OR10AG1: variants seen among roughly 807,000 people sequenced by gnomAD.
OR10AG1 encodes olfactory receptor family 10 subfamily AG member 1.
For missense variants in OR10AG1, 433 were observed against 376.5 expected (o/e 1.15, Z -1.24); for synonymous variants, 147 against 128.6 (o/e 1.14, Z -0.97).
At position 55,967,669 on chromosome 11, in the gene OR10AG1, A is replaced by C. The variant is rs1408996289; in HGVS notation, c.855T>G (p.Ile285Met). ...GAATCAGAATGGTGTAGAAAAGAGA[A>C]ATCAGTTTCCCCATCCTTTGAAACT... is the stretch of plus-strand genomic sequence containing the variant. ...PHQFQRMGKL[I>M]SLFYTILIPT... The change falls in exon 2 of 2, where the codon ATT becomes ATG. Residue 285 changes from isoleucine to methionine, a missense_variant. Ile to Met is a conservative substitution (Grantham distance 10). Transcript: ENST00000641071. 1.4e-5 allele frequency: 23 copies of C among 1,613,182 alleles called. No individual in the cohort carries two copies. Among genetic ancestry groups the C allele is most frequent in the Non-Finnish European group, 2.0e-5 (23 of 1,179,334 alleles).
At chr11:55,969,331 C>T (rs1590672892) in intron 1 of OR10AG1, among the ~76,000 whole-genome samples, 4 of 152,062 alleles carry the variant, frequency 2.6e-5, no homozygotes, top group Middle Eastern at 6.8e-3. Context: ...TGATTAAACC[C>T]AGCTAACATT....
In OR10AG1 at chr11:55,968,203, A is replaced by G; in HGVS notation, c.321T>C (p.Ala107=). The change falls in exon 2 of 2, where the codon GCT becomes GCC. Residue 107 remains alanine (A), a synonymous_variant. Transcript: ENST00000641071. ...GAAAAAAACACATTTGTGTAGCACA[A>G]GCAAACAAAGAAATATTTCCTTTCT... ...WTQKGNISLF[A]CATQMCFFLM... is the part of the protein sequence containing the mutation. 1.2e-6 allele frequency: 2 copies of G among 1,614,090 alleles called. No individual in the cohort carries two copies. Among genetic ancestry groups the G allele is most frequent in the Non-Finnish European group, 1.7e-6 (2 of 1,179,982 alleles).
Position 55,967,945 on chromosome 11 carries a change from C to A in OR10AG1, c.579G>T (p.Pro193=), listed in dbSNP as rs75943754. 1 of 1,613,902 alleles carries A rather than the reference C, an allele frequency of 6.2e-7. No individual in the cohort carries two copies. Among genetic ancestry groups the A allele is most frequent in the South Asian group, 1.1e-5 (1 of 91,076 alleles). ...TTCCACAAGCAAGCTTGAGTATTGG[C>A]GGGATGTCACAAAAGAAATGATTAA... ...NTINHFFCDI[P]PILKLACGNI... is the part of the protein sequence containing the mutation. The change falls in exon 2 of 2, where the codon CCG becomes CCT. Residue 193 remains proline, a synonymous_variant. Transcript: ENST00000641071.
In OR10AG1 at chr11:55,966,348, G is replaced by C. The variant is rs1335109589; in HGVS notation, c.*1210C>G. 6.6e-6 allele frequency: 1 copy of C among 150,946 alleles called. No homozygotes were observed. Among genetic ancestry groups the C allele is most frequent in the Non-Finnish European group, 1.5e-5 (1 of 67,876 alleles). 9.4% of individuals were successfully genotyped at this position (150,946 alleles called of 1,614,324 possible). On this transcript the variant is annotated 3_prime_UTR_variant, in exon 2 of 2. Coordinates refer to ENST00000641071, the MANE Select transcript of OR10AG1 (RefSeq NM_001005491.2). ...CCAAAATGCATGCAACAATTGAAGGGTAGGGTGGAATGGCATATCAGCTGA... is the reference window on the plus strand; with the variant it reads ...CCAAAATGCATGCAACAATTGAAGGCTAGGGTGGAATGGCATATCAGCTGA...
chr11:55,967,842 A>G lies in OR10AG1; in HGVS notation c.682T>C (p.Ser228Pro), dbSNP rs1852704261. ...ATGTTGGAGATAATTTTGCCATAAG[A>G]GACAACAATCAACAGAAATGGCACC... ...ITVPFLLIVV[S>P]YGKIISNILK... is the part of the protein sequence containing the mutation. The change falls in exon 2 of 2, where the codon TCT (serine) becomes CCT (proline). Residue 228 changes from serine to proline, a missense_variant. Ser to Pro is a moderately conservative substitution (Grantham distance 74). Transcript: ENST00000641071. The G allele has an allele frequency of 6.2e-7, 1 of 1,614,128 alleles. No homozygotes were observed.
In OR10AG1 at chr11:55,967,705, G is replaced by C; in HGVS notation, c.819C>G (p.Pro273=). 1 of 1,613,868 alleles carries C rather than the reference G, an allele frequency of 6.2e-7. No individual in the cohort carries two copies. ...FGAGTITYLQ[P]KPHQFQRMGK... ...CCATCCTTTGAAACTGATGTGGTTT[G>C]GGCTGTAAATAAGTGATAGTACCTG... The change falls in exon 2 of 2, where the codon CCC becomes CCG. Residue 273 remains proline, a synonymous_variant. Coordinates refer to ENST00000641071, the MANE Select transcript of OR10AG1 (RefSeq NM_001005491.2).
Position 55,967,629 on chromosome 11 carries a change from T to C in OR10AG1, c.895A>G (p.Ile299Val), listed in dbSNP as rs774458805. 3 of 1,611,682 alleles carry C rather than the reference T, an allele frequency of 1.9e-6. No homozygotes were observed. Among genetic ancestry groups the C allele is most frequent in the Admixed American group, 1.7e-5 (1 of 59,996 alleles). The change falls in exon 2 of 2, where the codon ATT becomes GTT. Residue 299 changes from isoleucine (I) to valine (V), a missense_variant. Physicochemically the swap from Ile to Val is conservative, Grantham distance 29. Transcript: ENST00000641071. ...TCTTTGTTCCTCAGGGTATATATAATAGGATTCAAAGTTGGAATCAGAATG... is the reference window on the plus strand; with the variant it reads ...TCTTTGTTCCTCAGGGTATATATAACAGGATTCAAAGTTGGAATCAGAATG... ...YTILIPTLNP[I>V]IYTLRNKDIM...
chr11:55,968,477 T>C lies in OR10AG1; in HGVS notation c.47A>G (p.Asn16Ser), dbSNP rs1325216156. Reference protein sequence around the residue: ...DGEQTKREKSNVTTIMEFVLL... With the variant: ...DGEQTKREKSSVTTIMEFVLL... ...AACAAATTCCATTATTGTAGTCACATTTGATTTTTCTCTTTTAGTTTGCTC... is the reference window on the plus strand; with the variant it reads ...AACAAATTCCATTATTGTAGTCACACTTGATTTTTCTCTTTTAGTTTGCTC... Residue 16 changes from asparagine (N) to serine (S), a missense_variant, in exon 2 of 2, where the codon AAT becomes AGT. Physicochemically the swap from Asn to Ser is conservative, Grantham distance 46 (BLOSUM62 1). Transcript: ENST00000641071. The C allele has an allele frequency of 4.6e-6, 7 of 1,513,918 alleles. No individual in the cohort carries two copies. Among genetic ancestry groups the C allele is most frequent in the Non-Finnish European group, 6.2e-6 (7 of 1,125,844 alleles). 93.8% of individuals were successfully genotyped at this position (1,513,918 alleles called of 1,614,324 possible). A position where few individuals can be genotyped will look rare whatever the true frequency, so the allele number is the denominator to read the frequency against.
chr11:55,967,532 T>C lies in OR10AG1; in HGVS notation c.*26A>G, dbSNP rs191851324. On this transcript the variant is annotated 3_prime_UTR_variant, in exon 2 of 2. Coordinates refer to ENST00000641071, the MANE Select transcript of OR10AG1 (RefSeq NM_001005491.2). ...CCACATGACAAACCTATAAAGAAAT[T>C]ATTTCTGTAATTTCAAGTCTTCATC... The C allele has an allele frequency of 1.4e-6, 2 of 1,446,466 alleles. No homozygotes were observed. The highest frequency in any genetic ancestry group is 1.4e-5 in the African/African-American group (1 of 70,138). 89.6% of individuals were successfully genotyped at this position (1,446,466 alleles called of 1,614,324 possible).
chr11:55,967,460 C>A lies in OR10AG1; in HGVS notation c.*98G>T. 5.9e-6 allele frequency: 4 copies of A among 683,054 alleles called. No individual in the cohort carries two copies. The highest frequency in any genetic ancestry group is 5.1e-5 in the East Asian group (2 of 39,002). 42.3% of individuals were successfully genotyped at this position (683,054 alleles called of 1,614,324 possible). On this transcript the variant is annotated 3_prime_UTR_variant, in exon 2 of 2. Transcript: ENST00000641071. The stretch of plus-strand genomic sequence containing the variant: ...AAGTTTGTATTTAAATTTCAGTACT[C>A]ATTATTGAATACCATAGGGACAAAG...
rs139711848 is a variant in OR10AG1 at position 55,967,618 on chromosome 11, G to C, written c.906C>G (p.Thr302=). ...LIPTLNPIIY[T]LRNKDIMVAL... Reference sequence around the variant, plus strand: ...CCACCATGATATCTTTGTTCCTCAGGGTATATATAATAGGATTCAAAGTTG... The same window carrying C: ...CCACCATGATATCTTTGTTCCTCAGCGTATATATAATAGGATTCAAAGTTG... The change falls in exon 2 of 2, where the codon ACC becomes ACG. Residue 302 remains threonine, a synonymous_variant. Coordinates refer to ENST00000641071, the MANE Select transcript of OR10AG1 (RefSeq NM_001005491.2). The C allele has an allele frequency of 1.2e-5, 20 of 1,610,154 alleles. No individual in the cohort carries two copies. In the African/African-American group the frequency reaches 2.7e-4, roughly 22 times the overall value.
chr11:55,969,809 TTC>T, intron 1 of OR10AG1, 81 bp downstream of exon 1: 1 of 397,796 alleles, frequency 2.5e-6, no homozygotes, highest in Non-Finnish European at 4.4e-6. Flanking sequence ...TTTCATGCTT[TTC>T]TGTTTTATTA....
Position 55,967,961 on chromosome 11 carries a change from A to G in OR10AG1, c.563T>C (p.Phe188Ser), listed in dbSNP as rs773320977. 72 of 1,613,956 alleles carry G rather than the reference A, an allele frequency of 4.5e-5. No homozygotes were observed. Among genetic ancestry groups the G allele is most frequent in the Non-Finnish European group, 5.8e-5 (69 of 1,179,994 alleles). Residue 188 changes from phenylalanine (F) to serine (S), a missense_variant, in exon 2 of 2, where the codon TTC becomes TCC. By Grantham distance (155) the Phe-to-Ser change is radical (BLOSUM62 -2). Coordinates refer to ENST00000641071, the MANE Select transcript of OR10AG1 (RefSeq NM_001005491.2). ...GAGTATTGGCGGGATGTCACAAAAG[A>G]AATGATTAATTGTGTTAGTTCCGCA... ...PFCGTNTINH[F>S]FCDIPPILKL...
intron 1 of OR10AG1, 71 bp from the exon 2 acceptor site, chr11:55,968,578 T>G: frequency 1.5e-6 from 1 of 655,654 alleles, no homozygotes; most frequent in South Asian, 2.1e-5. Context: ...TTGGGTTAAC[T>G]AAATGAGATA....
rs773020187 is a variant in OR10AG1, at chr11:55,968,078, T to C, written c.446A>G (p.His149Arg). 25 of 1,614,090 alleles carry C rather than the reference T, an allele frequency of 1.5e-5. No individual in the cohort carries two copies. Among genetic ancestry groups the C allele is most frequent in the Non-Finnish European group, 2.1e-5 (25 of 1,180,010 alleles). ...TATTATCAGCTGAATGCAGACTTTG[T>C]GGTTCATCACTAGAGGATACTGCAA... ...KPLQYPLVMN[H>R]KVCIQLIIAS... Residue 149 changes from histidine to arginine, a missense_variant, in exon 2 of 2, where the codon CAC becomes CGC. Physicochemically the swap from His to Arg is conservative, Grantham distance 29. Coordinates refer to ENST00000641071, the MANE Select transcript of OR10AG1 (RefSeq NM_001005491.2).
At position 55,968,062 on chromosome 11, in the gene OR10AG1, C is replaced by T. The variant is rs1288056596; in HGVS notation, c.462G>A (p.Gln154=). Residue 154 remains glutamine (Q), a synonymous_variant, in exon 2 of 2, where the codon CAG becomes CAA. Coordinates refer to ENST00000641071, the MANE Select transcript of OR10AG1 (RefSeq NM_001005491.2). ...TGATGGTCCAGGAAGCTATTATCAG[C>T]TGAATGCAGACTTTGTGGTTCATCA... The part of the protein sequence containing the change: ...PLVMNHKVCI[Q]LIIASWTITI... 6.2e-7 allele frequency: 1 copy of T among 1,614,076 alleles called. No homozygotes were observed. Among genetic ancestry groups the T allele is most frequent in the South Asian group, 1.1e-5 (1 of 91,080 alleles).
rs946860940 is a variant in OR10AG1 at position 55,966,799 on chromosome 11, G to T, written c.*759C>A. ...GACTTCATGTGCAACCTAAATCATGGTACTTTCATTTACAATCTTTAGCTT... is the reference window on the plus strand; with the variant it reads ...GACTTCATGTGCAACCTAAATCATGTTACTTTCATTTACAATCTTTAGCTT... On this transcript the variant is annotated 3_prime_UTR_variant, in exon 2 of 2. Transcript: ENST00000641071. 1 of 151,884 alleles carries T rather than the reference G, an allele frequency of 6.6e-6. No homozygotes were observed. Among genetic ancestry groups the T allele is most frequent in the Non-Finnish European group, 1.5e-5 (1 of 68,004 alleles). The allele number at this position is 151,884 out of a possible 1,614,324, so 9.4% of individuals were successfully genotyped here.
chr11:55,969,743 G>A (rs547811741), intron 1 of OR10AG1, 149 bp downstream of exon 1: 1 of 392,308 alleles, frequency 2.5e-6, no homozygotes, highest in Non-Finnish European at 4.5e-6. Context: ...ACTTTGTAGT[G>A]AAGAGATACA....
chr11:55,968,003 A>G lies in OR10AG1; in HGVS notation c.521T>C (p.Ile174Thr). 6.2e-7 allele frequency: 1 copy of G among 1,614,068 alleles called. No homozygotes were observed. Among genetic ancestry groups the G allele is most frequent in the Non-Finnish European group, 8.5e-7 (1 of 1,179,990 alleles). ...IPVVIGETCQ[I>T]FLLPFCGTNT... ...AGTTCCGCAAAAGGGCAAAAGGAAA[A>G]TTTGGCATGTTTCCCCAATTACTAC... is the stretch of plus-strand genomic sequence containing the variant. The change falls in exon 2 of 2, where the codon ATT (isoleucine) becomes ACT (threonine). Residue 174 changes from isoleucine (I) to threonine (T), a missense_variant. Coordinates refer to ENST00000641071, the MANE Select transcript of OR10AG1 (RefSeq NM_001005491.2).
Sources: allele counts gnomAD v4.1 joint callset (sites outside exome capture counted in the v4.1 genomes callset), GRCh38; gene constraint gnomAD v4.1.1; transcripts MANE v1.5; gene names NCBI Gene and HGNC (gene_info 2026-07-23, HGNC 2026-07-21).